The following DNAH8 variants were observed in gnomAD, a reference collection of about 807,000 sequenced individuals.
DNAH8 encodes axonemal beta dynein heavy chain 8.
In DNAH8, 382 loss-of-function variants were observed where a neutral mutation model predicts 562.1. The ratio of observed to expected loss-of-function variants is 0.68; its 90% CI spans 0.63 to 0.74. DNAH8 has a LOEUF of 0.74. DNAH8 is among the 30% of genes least tolerant of loss of function. The probability of loss-of-function intolerance (pLI) is 0.00; values close to 1 mark genes in which losing one functional copy is unlikely to be tolerated. For synonymous variants in DNAH8, 1,881 were observed against 1,919.4 expected (o/e 0.98, Z 0.52); for missense variants, 5,203 against 5,620.4 (o/e 0.93, Z 2.37).
chr6:38,829,671 C>G (rs1773665533), intron 30 of DNAH8, among the ~76,000 whole-genome samples: 1 of 152,146 alleles, frequency 6.6e-6, no homozygotes, highest in Non-Finnish European at 1.5e-5. Context: ...TTCAGACTCT[C>G]AATTTCTATT....
chr6:38,796,027 G>A (rs1324248220), intron 21 of DNAH8, among the ~76,000 whole-genome samples: 1 of 152,168 alleles, frequency 6.6e-6, no homozygotes, highest in African/African-American at 2.4e-5. Flanking sequence ...AGGGCTGATA[G>A]TACTTTCCTC....
chr6:38,787,338 C>T (rs1455270516), intron 18 of DNAH8, among the ~76,000 whole-genome samples: 2 of 151,976 alleles, frequency 1.3e-5, no homozygotes, highest in Non-Finnish European at 2.9e-5. Flanking sequence ...TGATTCTCAA[C>T]ATTGTGGGGC....
intron 26 of DNAH8, among the ~76,000 whole-genome samples, chr6:38,816,770 T>C (rs186298353): frequency 1.0e-3 from 154 of 152,356 alleles, no homozygotes; most frequent in African/African-American, 3.6e-3. Flanking sequence ...TTTTTAATAA[T>C]TGCCATTCTG....
Position 38,883,017 on chromosome 6 carries a change from A to C in DNAH8, c.7966A>C (p.Asn2656His), listed in dbSNP as rs779421186. The C allele has an allele frequency of 6.2e-7, 1 of 1,602,192 alleles. No homozygotes were observed. Among genetic ancestry groups the C allele is most frequent in the South Asian group, 1.1e-5 (1 of 87,460 alleles). The change falls in exon 54 of 93, where the codon AAT becomes CAT. Residue 2656 changes from asparagine to histidine, a missense_variant. Physicochemically the swap from Asn to His is moderately conservative, Grantham distance 68 (BLOSUM62 1). This residue lies in a region of DNAH8 where 977 missense variants were observed against 1,061.8 expected (regional missense o/e 0.92). Transcript: ENST00000327475. Reference protein sequence around the residue: ...LVPNVDNIRTNFLIDTIAKQH... With the variant: ...LVPNVDNIRTHFLIDTIAKQH... Reference sequence around the variant, plus strand: ...TCCAAATGTTGACAATATTAGAACAAATTTTTTGATAGACACCATTGCAAA... The same window carrying C: ...TCCAAATGTTGACAATATTAGAACACATTTTTTGATAGACACCATTGCAAA...
chr6:38,843,017 C>T (rs1222877954), intron 35 of DNAH8, 114 bp downstream of exon 35: 24 of 1,057,586 alleles, frequency 2.3e-5, no homozygotes, highest in Non-Finnish European at 3.1e-5. Flanking sequence ...CTCTATAATG[C>T]ACCCTCAAAA....
chr6:38,889,152 A>G (rs1779166100), intron 57 of DNAH8, among the ~76,000 whole-genome samples: 1 of 152,234 alleles, frequency 6.6e-6, no homozygotes, highest in South Asian at 2.1e-4. Context: ...AACTGGATAA[A>G]TACATCCTGT....
At chr6:38,769,668 T>C (rs1248991692) in intron 11 of DNAH8, among the ~76,000 whole-genome samples, 1 of 152,090 alleles carries the variant, frequency 6.6e-6, no homozygotes, top group Non-Finnish European at 1.5e-5. Context: ...CAAGGGGTGA[T>C]TAAGGTTGCA....
intron 87 of DNAH8, among the ~76,000 whole-genome samples, chr6:38,988,318 GC>G (rs1374285667): frequency 6.6e-6 from 1 of 152,134 alleles, no homozygotes. Flanking sequence ...GTGAAACTCA[GC>G]TATTTGTATG....
chr6:38,743,793 G>A (rs907442291), intron 8 of DNAH8, among the ~76,000 whole-genome samples: 2 of 152,026 alleles, frequency 1.3e-5, no homozygotes, highest in Non-Finnish European at 2.9e-5. Context: ...GGTTGTCCCT[G>A]TTTTTTTGGC....
intron 92 of DNAH8, among the ~76,000 whole-genome samples, chr6:39,027,478 C>CT (rs1767373319): frequency 6.6e-6 from 1 of 152,206 alleles, no homozygotes; most frequent in African/African-American, 2.4e-5. Flanking sequence ...AATTCTTTAA[C>CT]TTTTTTGAGT....
intron 80 of DNAH8, among the ~76,000 whole-genome samples, chr6:38,948,551 C>A (rs180794480): frequency 2.2e-4 from 34 of 152,226 alleles, no homozygotes; most frequent in African/African-American, 7.5e-4. Flanking sequence ...GTTGGTCAGG[C>A]TGGTCTCGAA....
In DNAH8 at chr6:38,896,121, A is replaced by T; in HGVS notation, c.8836A>T (p.Ile2946Phe). 1 of 1,614,102 alleles carries T rather than the reference A, an allele frequency of 6.2e-7. No individual in the cohort carries two copies. The highest frequency in any genetic ancestry group is 8.5e-7 in the Non-Finnish European group (1 of 1,179,978). Residue 2946 changes from isoleucine (I) to phenylalanine (F), a missense_variant, in exon 60 of 93, where the codon ATT (isoleucine) becomes TTT (phenylalanine). Around this residue, in one of 6 missense-constraint regions of DNAH8, gnomAD observed 977 missense variants for 1,061.8 expected, o/e 0.92. Coordinates refer to ENST00000327475, the MANE Select transcript of DNAH8 (RefSeq NM_001206927.2). The stretch of plus-strand genomic sequence containing the variant: ...TATTGGCTCTGATGCAGCGTCGTGT[A>T]TTCTTCCTGAACCATACTTTGTGGA... ...ENIGSDAASC[I>F]LPEPYFVDFL...
chr6:38,737,801 C>A lies in DNAH8; in HGVS notation c.953-8C>A, dbSNP rs1400806860. 2.1e-6 allele frequency: 3 copies of A among 1,407,622 alleles called. No individual in the cohort carries two copies. Among genetic ancestry groups the A allele is most frequent in the Non-Finnish European group, 2.8e-6 (3 of 1,074,816 alleles). The allele number at this position is 1,407,622 out of a possible 1,614,324, so 87.2% of individuals were successfully genotyped here. A position where few individuals can be genotyped will look rare whatever the true frequency, so the allele number is the denominator to read the frequency against. On this transcript the variant is annotated splice_polypyrimidine_tract_variant and splice_region_variant and intron_variant, in intron 6 of 92. Transcript: ENST00000327475. ...ATTAGTATTAAATGTCTTTTTTTTC[C>A]TTTTTAGGTGCTAGAATAAGTATTG... is the stretch of plus-strand genomic sequence containing the variant.
In DNAH8 at chr6:39,026,686, T is replaced by C; in HGVS notation, c.13836+19T>C. The C allele has an allele frequency of 6.2e-7, 1 of 1,610,914 alleles. No homozygotes were observed. Among genetic ancestry groups the C allele is most frequent in the Admixed American group, 1.7e-5 (1 of 59,284 alleles). On this transcript the variant is annotated intron_variant, in intron 92 of 92. Coordinates refer to ENST00000327475, the MANE Select transcript of DNAH8 (RefSeq NM_001206927.2). Reference sequence around the variant, plus strand: ...CCCTGGGGTAGGCGTTGCTGGGCAATAGCAGGGACCATTCTGGAGCCAGAG... The same window carrying C: ...CCCTGGGGTAGGCGTTGCTGGGCAACAGCAGGGACCATTCTGGAGCCAGAG...
intron 88 of DNAH8, among the ~76,000 whole-genome samples, chr6:38,994,008 G>A (rs191157647): frequency 6.6e-6 from 1 of 152,272 alleles, no homozygotes; most frequent in East Asian, 1.9e-4. Context: ...GGGTTATACT[G>A]TTTTGTACTT....
At chr6:39,022,104 GA>G (rs1766953961) in intron 91 of DNAH8, among the ~76,000 whole-genome samples, 2 of 152,286 alleles carry the variant, frequency 1.3e-5, no homozygotes, top group Non-Finnish European at 2.9e-5. Context: ...TTAAAAGAAA[GA>G]AAACAGGAAA....
intron 87 of DNAH8, among the ~76,000 whole-genome samples, chr6:38,987,638 T>G (rs966954567): frequency 6.6e-6 from 1 of 152,218 alleles, no homozygotes; most frequent in East Asian, 1.9e-4. Flanking sequence ...GAGTGGCTTC[T>G]GTGGGCTCAT....
intron 82 of DNAH8, among the ~76,000 whole-genome samples, chr6:38,961,846 G>T (rs1411850343): frequency 6.6e-6 from 1 of 151,748 alleles, no homozygotes; most frequent in Non-Finnish European, 1.5e-5. Flanking sequence ...TGTATTGAAA[G>T]AATCATAAAT....
chr6:38,836,268 A>G (rs1774280221), intron 32 of DNAH8, among the ~76,000 whole-genome samples: 1 of 152,102 alleles, frequency 6.6e-6, no homozygotes, highest in Non-Finnish European at 1.5e-5. Context: ...ATTATGTGCC[A>G]AGATTTTACC....
Sources: allele counts gnomAD v4.1 joint callset (sites outside exome capture counted in the v4.1 genomes callset), GRCh38; gene constraint gnomAD v4.1.1; regional missense constraint gnomAD v4.1.1; transcripts MANE v1.5; gene names NCBI Gene and HGNC (gene_info 2026-07-23, HGNC 2026-07-21).